ZNF804A: variants seen among roughly 807,000 people sequenced by gnomAD.
ZNF804A encodes the protein zinc finger protein 804A.
In ZNF804A, 2 loss-of-function variants were observed where a neutral mutation model predicts 16.5. The observed-to-expected ratio is 0.12, with a 90% CI of 0.05 to 0.38. ZNF804A has a LOEUF of 0.38. ZNF804A is among the 10% of genes least tolerant of loss of function. The pLI is 0.99. For synonymous variants in ZNF804A, 534 were observed against 489.6 expected (o/e 1.09, Z -1.20); for missense variants, 1,473 against 1,390.7 (o/e 1.06, Z -0.94).
At chr2:184,922,605 GTGGCC>G (rs1472042953) in intron 2 of ZNF804A, among the ~76,000 whole-genome samples, 3 of 151,898 alleles carry the variant, frequency 2.0e-5, no homozygotes, top group African/African-American at 7.2e-5. Context: ...TTAATTTGAT[GTGGCC>G]CTATTTGTCC....
rs1232589285 is a variant in ZNF804A at position 184,864,139 on chromosome 2, A to G, written c.112-2230A>G. On this transcript the variant is annotated intron_variant, in intron 1 of 3. Coordinates refer to ENST00000302277, the MANE Select transcript of ZNF804A (RefSeq NM_194250.2). ...TCATGGTTCTGCAGGCTGTACAAGA[A>G]GTATGGTGCTGTCATCTGCATCTGA... Among the ~76,000 whole-genome samples the G allele has an allele frequency of 3.3e-5, 5 of 152,174 alleles. No homozygotes were observed. The East Asian group carries it at 9.6e-4, about 29-fold the overall frequency.
Position 184,619,021 on chromosome 2 carries a change from T to C in ZNF804A, c.111+19951T>C, listed in dbSNP as rs76403157. Reference sequence around the variant, plus strand: ...TAAGATGCGGATGCATCTAAACTTATTTTCTACTAATTGCTGGCTTTGCTG... The same window carrying C: ...TAAGATGCGGATGCATCTAAACTTACTTTCTACTAATTGCTGGCTTTGCTG... On this transcript the variant is annotated intron_variant, in intron 1 of 3. Coordinates refer to ENST00000302277, the MANE Select transcript of ZNF804A (RefSeq NM_194250.2). 7.4e-3 allele frequency among the ~76,000 whole-genome samples: 1,133 copies of C among 152,190 alleles called. 20 individuals are homozygous for C. The highest frequency in any genetic ancestry group is 0.026 in the African/African-American group (1,075 of 41,526).
At chr2:184,739,408 G>C (rs911112051) in intron 1 of ZNF804A, among the ~76,000 whole-genome samples, 7 of 152,022 alleles carry the variant, frequency 4.6e-5, no homozygotes, top group African/African-American at 1.2e-4. Flanking sequence ...TTTGCAGTGT[G>C]GGGGGAACAG....
At position 184,937,321 on chromosome 2, in the gene ZNF804A, A is replaced by G. The variant is rs1685808472; in HGVS notation, c.1925A>G (p.Gln642Arg). The stretch of plus-strand genomic sequence containing the variant: ...CTATTGGAACCAATTTCAGAAAAGC[A>G]GTATTTAGCTGCAGAGCAATTATTA... Reference protein sequence around the residue: ...KYLLEPISEKQYLAAEQLLDS... With the variant: ...KYLLEPISEKRYLAAEQLLDS... The change falls in exon 4 of 4, where the codon CAG becomes CGG. Residue 642 changes from glutamine (Q) to arginine (R), a missense_variant. Physicochemically the swap from Gln to Arg is conservative, Grantham distance 43. Transcript: ENST00000302277. 1 of 1,613,882 alleles carries G rather than the reference A, an allele frequency of 6.2e-7. No individual in the cohort carries two copies. The highest frequency in any genetic ancestry group is 1.3e-5 in the African/African-American group (1 of 74,940).
intron 1 of ZNF804A, among the ~76,000 whole-genome samples, chr2:184,816,781 T>A (rs531662345): frequency 6.6e-6 from 1 of 152,076 alleles, no homozygotes; most frequent in East Asian, 1.9e-4. Context: ...GTTGTTGTTT[T>A]ACCTCTCTCT....
intron 1 of ZNF804A, among the ~76,000 whole-genome samples, chr2:184,727,545 T>A (rs577736037): frequency 1.3e-5 from 2 of 151,834 alleles, no homozygotes; most frequent in African/African-American, 4.8e-5. Context: ...TTTGATTTTA[T>A]ATTTTTCTGT....
At position 184,936,696 on chromosome 2, in the gene ZNF804A, T is replaced by A; in HGVS notation, c.1300T>A (p.Ser434Thr). The A allele has an allele frequency of 6.2e-7, 1 of 1,613,718 alleles. No homozygotes were observed. Among genetic ancestry groups the A allele is most frequent in the Non-Finnish European group, 8.5e-7 (1 of 1,179,848 alleles). The change falls in exon 4 of 4, where the codon TCT becomes ACT. Residue 434 changes from serine to threonine, a missense_variant. Physicochemically the swap from Ser to Thr is moderately conservative, Grantham distance 58 (BLOSUM62 1). Transcript: ENST00000302277. ...PFVPVLNKHRSTVLQWPSEML... is the reference protein window; with the variant it reads ...PFVPVLNKHRTTVLQWPSEML... ...TGTACCTGTCCTTAACAAACACAGA[T>A]CTACAGTTCTTCAGTGGCCATCAGA... is the stretch of plus-strand genomic sequence containing the variant.
At chr2:184,871,198 C>A in intron 2 of ZNF804A, among the ~76,000 whole-genome samples, 1 of 151,510 alleles carries the variant, frequency 6.6e-6, no homozygotes, top group East Asian at 1.9e-4. Context: ...CCAACACCAC[C>A]CTTGGAGGCT....
At chr2:184,897,882 G>C (rs1460566984) in intron 2 of ZNF804A, among the ~76,000 whole-genome samples, 1 of 151,974 alleles carries the variant, frequency 6.6e-6, no homozygotes, top group Admixed American at 6.6e-5. Context: ...TTTATTCCGT[G>C]CCTCAAACCA....
At chr2:184,728,532 A>T (rs1693459359) in intron 1 of ZNF804A, among the ~76,000 whole-genome samples, 1 of 151,932 alleles carries the variant, frequency 6.6e-6, no homozygotes, top group African/African-American at 2.4e-5. Flanking sequence ...GTAATAAAGA[A>T]GATGATAGGA....
chr2:184,687,032 A>C (rs1574162821), intron 1 of ZNF804A, among the ~76,000 whole-genome samples: 1 of 152,236 alleles, frequency 6.6e-6, no homozygotes, highest in Non-Finnish European at 1.5e-5. Flanking sequence ...CTCTTTAGGT[A>C]TCACTTATAA....
intron 1 of ZNF804A, among the ~76,000 whole-genome samples, chr2:184,657,890 A>AGTATG (rs1692107538): frequency 6.6e-6 from 1 of 152,196 alleles, no homozygotes; most frequent in Non-Finnish European, 1.5e-5. Flanking sequence ...GGATAATTGG[A>AGTATG]GTATGGAGAA....
chr2:184,639,892 C>T (rs1691765753), intron 1 of ZNF804A, among the ~76,000 whole-genome samples: 2 of 152,130 alleles, frequency 1.3e-5, no homozygotes, highest in Non-Finnish European at 2.9e-5. Flanking sequence ...GTCCCAGTTA[C>T]TCGGGAGACT....
intron 1 of ZNF804A, among the ~76,000 whole-genome samples, chr2:184,796,671 G>A (rs1274788633): frequency 6.6e-6 from 1 of 151,904 alleles, no homozygotes; most frequent in Non-Finnish European, 1.5e-5. Context: ...TGCTGGGTTT[G>A]GTTTTGGTTT....
intron 2 of ZNF804A, among the ~76,000 whole-genome samples, chr2:184,916,435 A>G (rs1436697278): frequency 1.3e-5 from 2 of 152,212 alleles, no homozygotes; most frequent in African/African-American, 4.8e-5. Context: ...GATTTTACAT[A>G]TCATATGAGG....
intron 2 of ZNF804A, among the ~76,000 whole-genome samples, chr2:184,867,454 T>G (rs770043250): frequency 4.6e-5 from 7 of 152,110 alleles, no homozygotes; most frequent in Admixed American, 4.6e-4. Context: ...TGTTAAACGA[T>G]AATGAACCAA....
At chr2:184,687,635 T>G (rs574048394) in intron 1 of ZNF804A, among the ~76,000 whole-genome samples, 3 of 152,208 alleles carry the variant, frequency 2.0e-5, no homozygotes, top group Non-Finnish European at 4.4e-5. Context: ...AGGCATGTCA[T>G]TGCTTAATGG....
intron 1 of ZNF804A, among the ~76,000 whole-genome samples, chr2:184,736,843 G>A (rs1305021723): frequency 6.7e-6 from 1 of 149,066 alleles, no homozygotes; most frequent in East Asian, 2.0e-4. Context: ...CCAATATTTA[G>A]AACTCGTATT....
chr2:184,898,589 G>A (rs1685126955), intron 2 of ZNF804A, among the ~76,000 whole-genome samples: 1 of 151,844 alleles, frequency 6.6e-6, no homozygotes, highest in South Asian at 2.1e-4. Flanking sequence ...TAGAATAAAG[G>A]GTCTGAAGAA....
Sources: gnomAD v4.1 joint callset for allele counts (sites outside exome capture counted in the v4.1 genomes callset) on GRCh38, gnomAD v4.1.1 for gene constraint, MANE v1.5 for transcripts, NCBI Gene and HGNC (gene_info 2026-07-23, HGNC 2026-07-21) for gene names.